Variants in MACROD2 observed in about 807,000 individuals in gnomAD.
The protein encoded by MACROD2 is ADP-ribose glycohydrolase MACROD2.
Under a neutral mutation model 70.4 loss-of-function variants are expected in MACROD2, and 36 were observed. The ratio of observed to expected loss-of-function variants is 0.51; its 90% confidence interval spans 0.39 to 0.68. MACROD2 has a LOEUF of 0.68. Ranked by LOEUF, MACROD2 falls within the 30% of genes least tolerant of loss-of-function variation. The pLI, the probability that MACROD2 is intolerant of heterozygous loss-of-function variation, is 0.00. For synonymous variants in MACROD2, 172 were observed against 178.8 expected (o/e 0.96, Z 0.30); for missense variants, 496 against 538.4 (o/e 0.92, Z 0.78).
chr20:16,004,091 G>A (rs570845011), intron 15 of MACROD2, among the ~76,000 whole-genome samples: 9 of 152,224 alleles, frequency 5.9e-5, no homozygotes, highest in African/African-American at 2.2e-4. Flanking sequence ...CTGCCACTGT[G>A]GGAGAAGATG....
intron 4 of MACROD2, among the ~76,000 whole-genome samples, chr20:14,615,560 A>G (rs1983430435): frequency 6.6e-6 from 1 of 152,122 alleles, no homozygotes; most frequent in Admixed American, 6.6e-5. Flanking sequence ...TTCCTGGTAT[A>G]GGAAACAATA....
chr20:14,466,149 TC>T lies in MACROD2; in HGVS notation c.272-27326del, dbSNP rs2084444783. ...AGTGTTTTCCAACTTGGTTCCATTC[TC>T]CCCGTCACTTTCAGGTACACAAATT... On this transcript the variant is annotated intron_variant, in intron 3 of 17. Coordinates refer to ENST00000684519, the MANE Select transcript of MACROD2 (RefSeq NM_001351661.2). 3.3e-5 allele frequency among the ~76,000 whole-genome samples: 5 copies of T among 152,138 alleles called. No individual in the cohort carries two copies. In the South Asian group the frequency reaches 1.0e-3, roughly 31 times the overall value.
chr20:14,481,450 T>A (rs1356972782), intron 3 of MACROD2, among the ~76,000 whole-genome samples: 3 of 152,128 alleles, frequency 2.0e-5, no homozygotes, highest in African/African-American at 7.2e-5. Flanking sequence ...TATAATAATG[T>A]TAGTAAATAA....
rs57242314 is a variant in MACROD2 at position 14,411,877 on chromosome 20, C to T, written c.272-81602C>T. Among the ~76,000 whole-genome samples, 1,480 of 152,078 alleles carry T rather than the reference C, an allele frequency of 9.7e-3. 30 individuals are homozygous for T. Among genetic ancestry groups the T allele is most frequent in the African/African-American group, 0.034 (1,421 of 41,490 alleles). On this transcript the variant is annotated intron_variant, in intron 3 of 17. Coordinates refer to ENST00000684519, the MANE Select transcript of MACROD2 (RefSeq NM_001351661.2). Reference sequence around the variant, plus strand: ...GCTTGATAGCTCTCTGTTCTCAACCCCAAAAGACTTAGACACCACTCTCTT... The same window carrying T: ...GCTTGATAGCTCTCTGTTCTCAACCTCAAAAGACTTAGACACCACTCTCTT...
intron 5 of MACROD2, among the ~76,000 whole-genome samples, chr20:14,853,036 G>A (rs1440183913): frequency 6.6e-6 from 1 of 151,916 alleles, no homozygotes; most frequent in Non-Finnish European, 1.5e-5. Flanking sequence ...CCTGGTCATA[G>A]AAGGACTTAC....
intron 5 of MACROD2, among the ~76,000 whole-genome samples, chr20:15,026,628 G>A (rs2075233900): frequency 6.6e-6 from 1 of 152,040 alleles, no homozygotes; most frequent in Admixed American, 6.6e-5. Flanking sequence ...GCATCAAAAT[G>A]TGCTTCTGAG....
intron 5 of MACROD2, among the ~76,000 whole-genome samples, chr20:14,767,571 C>G (rs1193804783): frequency 6.6e-6 from 1 of 152,036 alleles, no homozygotes; most frequent in African/African-American, 2.4e-5. Flanking sequence ...CCCACTCAGT[C>G]TTACTGAGCC....
At chr20:15,848,589 C>T (rs1246936475) in intron 8 of MACROD2, among the ~76,000 whole-genome samples, 1 of 152,114 alleles carries the variant, frequency 6.6e-6, no homozygotes, top group Non-Finnish European at 1.5e-5. Context: ...ATTTGAAAAG[C>T]ACTTAATTAA....
intron 5 of MACROD2, among the ~76,000 whole-genome samples, chr20:14,917,657 G>C (rs1260605821): frequency 6.6e-6 from 1 of 152,090 alleles, no homozygotes; most frequent in Non-Finnish European, 1.5e-5. Flanking sequence ...CAATAACATT[G>C]AGAATAGGAA....
At chr20:15,397,290 T>A (rs1568775481) in intron 6 of MACROD2, among the ~76,000 whole-genome samples, 1 of 152,202 alleles carries the variant, frequency 6.6e-6, no homozygotes, top group Non-Finnish European at 1.5e-5. Flanking sequence ...TTTTCTTTTT[T>A]CTTTTTAATT....
intron 12 of MACROD2, among the ~76,000 whole-genome samples, chr20:15,937,815 A>C (rs542934485): frequency 2.6e-5 from 4 of 152,010 alleles, no homozygotes; most frequent in African/African-American, 9.6e-5. Context: ...ATGAAATGAG[A>C]GAATGATCAG....
chr20:14,819,388 A>AG (rs2072813901), intron 5 of MACROD2, among the ~76,000 whole-genome samples: 1 of 151,892 alleles, frequency 6.6e-6, no homozygotes, highest in Admixed American at 6.6e-5. Context: ...GATAAGAAAA[A>AG]AAAAAAAAAA....
intron 7 of MACROD2, among the ~76,000 whole-genome samples, chr20:15,458,492 G>C (rs2046760748): frequency 6.6e-6 from 1 of 151,842 alleles, no homozygotes; most frequent in Non-Finnish European, 1.5e-5. Flanking sequence ...AACACTCCAG[G>C]TATTTAACAG....
chr20:14,805,215 A>G (rs547578608), intron 5 of MACROD2, among the ~76,000 whole-genome samples: 2 of 152,004 alleles, frequency 1.3e-5, no homozygotes, highest in African/African-American at 2.4e-5. Flanking sequence ...GATGCTTTCT[A>G]CTTCCTTAAG....
intron 8 of MACROD2, among the ~76,000 whole-genome samples, chr20:15,792,455 T>A (rs986465926): frequency 1.3e-5 from 2 of 152,110 alleles, no homozygotes; most frequent in Non-Finnish European, 2.9e-5. Flanking sequence ...TTTTCTTAAT[T>A]TGCAAAATTT....
At chr20:15,504,582 A>G (rs937412760) in intron 8 of MACROD2, among the ~76,000 whole-genome samples, 9 of 152,208 alleles carry the variant, frequency 5.9e-5, no homozygotes, top group Non-Finnish European at 1.3e-4. Flanking sequence ...GACAATCATG[A>G]CTGAAGAGGT....
intron 7 of MACROD2, among the ~76,000 whole-genome samples, chr20:15,461,016 A>ATATAT (rs1600445256): frequency 6.6e-5 from 6 of 90,828 alleles, no homozygotes; most frequent in Non-Finnish European, 1.1e-4. Context: ...ATTTTTTTTT[A>ATATAT]ATAGATGGGG....
At chr20:15,136,407 G>A (rs558382697) in intron 5 of MACROD2, among the ~76,000 whole-genome samples, 159 of 152,044 alleles carry the variant, frequency 1.0e-3, no homozygotes, top group African/African-American at 3.3e-3. Flanking sequence ...AAATAATGCC[G>A]CATATCTACA....
chr20:14,311,840 A>G (rs891651663), intron 3 of MACROD2, among the ~76,000 whole-genome samples: 4 of 151,986 alleles, frequency 2.6e-5, no homozygotes, highest in African/African-American at 7.2e-5. Flanking sequence ...TTTGTTGAGG[A>G]CGTTCTTCCT....
Sources: allele counts gnomAD v4.1 joint callset (sites outside exome capture counted in the v4.1 genomes callset), GRCh38; gene constraint gnomAD v4.1.1; transcripts MANE v1.5; gene names NCBI Gene and HGNC (gene_info 2026-07-23, HGNC 2026-07-21).